The following TRAF3IP1 variants were observed in gnomAD, a reference collection of about 807,000 sequenced individuals.
TRAF3IP1 encodes the protein TRAF3-interacting protein 1.
A neutral mutation model predicts 89.9 loss-of-function variants in TRAF3IP1; 53 were observed. The ratio of observed to expected loss-of-function variants is 0.59; its 90% CI spans 0.47 to 0.74. TRAF3IP1 has a LOEUF of 0.74. TRAF3IP1 is among the 30% of genes least tolerant of loss of function. The pLI, the probability that TRAF3IP1 is intolerant of heterozygous loss-of-function variation, is 0.00. For synonymous variants in TRAF3IP1, 311 were observed against 322.1 expected, an observed-to-expected ratio of 0.97 and a Z score of 0.37; for missense variants, 806 against 866.1, an observed-to-expected ratio of 0.93 and a Z score of 0.87.
Position 238,351,996 on chromosome 2 carries a change from A to C in TRAF3IP1, c.1452-831A>C, listed in dbSNP as rs1264783033. 6.6e-6 allele frequency among the ~76,000 whole-genome samples: 1 copy of C among 152,048 alleles called. No homozygotes were observed. Among genetic ancestry groups the C allele is most frequent in the Non-Finnish European group, 1.5e-5 (1 of 67,982 alleles). ...GAGTTAGGTGATTGCTTAAAGCACA[A>C]GTGTGTAGGGAAGAAACAAAGGCAG... On this transcript the variant is annotated intron_variant, in intron 12 of 16. Transcript: ENST00000373327. The surrounding 1 kb of genome is among the most constrained non-coding windows in gnomAD (Gnocchi z 5.2).
chr2:238,360,303 G>GT (rs1182665521), intron 15 of TRAF3IP1, among the ~76,000 whole-genome samples: 1 of 152,198 alleles, frequency 6.6e-6, no homozygotes, highest in Non-Finnish European at 1.5e-5. Flanking sequence ...GAGGCATACG[G>GT]TAAGTGTGTG....
intron 6 of TRAF3IP1, among the ~76,000 whole-genome samples, chr2:238,333,650 C>A (rs749946652): frequency 2.0e-5 from 3 of 152,216 alleles, no homozygotes; most frequent in African/African-American, 7.2e-5. Flanking sequence ...TATATAGCAA[C>A]AGAAGTGGAG....
At chr2:238,370,293 ATG>A (rs370142008) in intron 15 of TRAF3IP1, among the ~76,000 whole-genome samples, 2 of 151,628 alleles carry the variant, frequency 1.3e-5, no homozygotes, top group South Asian at 2.1e-4. Flanking sequence ...CTGTGTGTGC[ATG>A]TGTGTATGTT....
At chr2:238,365,810 G>A (rs1293078475) in intron 15 of TRAF3IP1, among the ~76,000 whole-genome samples, 3 of 152,098 alleles carry the variant, frequency 2.0e-5, no homozygotes, top group Admixed American at 6.5e-5. Flanking sequence ...GTTTCTTAGA[G>A]GTTTTGTTTT....
chr2:238,325,022 C>T (rs1297089164), intron 1 of TRAF3IP1, among the ~76,000 whole-genome samples: 1 of 152,194 alleles, frequency 6.6e-6, no homozygotes, highest in Non-Finnish European at 1.5e-5. Context: ...ACTCCTGCTC[C>T]CTCCCGGATT....
chr2:238,354,390 A>G (rs181981824), intron 14 of TRAF3IP1, among the ~76,000 whole-genome samples: 2 of 152,304 alleles, frequency 1.3e-5, no homozygotes, highest in East Asian at 1.9e-4. Context: ...TTAAAATAAG[A>G]AAGTATATTC....
chr2:238,331,028 G>A (rs966707519), intron 5 of TRAF3IP1, among the ~76,000 whole-genome samples: 2 of 152,116 alleles, frequency 1.3e-5, no homozygotes, highest in African/African-American at 4.8e-5. Context: ...GTATTTTGCT[G>A]TGCATGAGGC....
At chr2:238,352,761 A>T in intron 12 of TRAF3IP1, 66 bp from the exon 13 acceptor site, 2 of 1,496,522 alleles carry the variant, frequency 1.3e-6, no homozygotes, top group Admixed American at 4.2e-5. Flanking sequence ...CCTCTGACAC[A>T]GTTTCAGATG....
intron 1 of TRAF3IP1, among the ~76,000 whole-genome samples, chr2:238,321,011 C>T (rs1306394892): frequency 6.7e-6 from 1 of 149,622 alleles, no homozygotes. Flanking sequence ...GTGGGCCGGG[C>T]ACAGGGTGCG....
chr2:238,335,723 G>A (rs1698352550), intron 7 of TRAF3IP1, among the ~76,000 whole-genome samples: 1 of 151,208 alleles, frequency 6.6e-6, no homozygotes, highest in East Asian at 1.9e-4. Context: ...ACTTGGTTGC[G>A]TATGTTGGTC....
chr2:238,329,192 G>A lies in TRAF3IP1; in HGVS notation c.765G>A (p.Gly255=). The A allele has an allele frequency of 6.4e-7, 1 of 1,569,068 alleles. No individual in the cohort carries two copies. ...RKKETERKSE[G]GKEKERLRDR... is the part of the protein sequence containing the mutation. ...AGGAGACAGAGAGAAAGAGTGAGGG[G>A]GGGAAAGAGAAGGAGAGACTGAGAG... Residue 255 remains glycine, a synonymous_variant, in exon 5 of 17, where the codon GGG becomes GGA. Coordinates refer to ENST00000373327, the MANE Select transcript of TRAF3IP1 (RefSeq NM_015650.4).
intron 15 of TRAF3IP1, among the ~76,000 whole-genome samples, chr2:238,363,731 G>T (rs773144821): frequency 6.6e-6 from 1 of 152,142 alleles, no homozygotes; most frequent in Non-Finnish European, 1.5e-5. Flanking sequence ...GGAGGCCAAG[G>T]TGGGCGGATC....
At chr2:238,352,621 G>T (rs1195133093) in intron 12 of TRAF3IP1, among the ~76,000 whole-genome samples, 1 of 152,086 alleles carries the variant, frequency 6.6e-6, no homozygotes, top group East Asian at 1.9e-4. Flanking sequence ...GGAGGGCGAG[G>T]CTCACAGGGA....
intron 8 of TRAF3IP1, 23 bp from the exon 9 acceptor site, chr2:238,344,474 A>G (rs761631937): frequency 1.3e-6 from 2 of 1,594,014 alleles, no homozygotes; most frequent in South Asian, 2.2e-5. Flanking sequence ...CTTAATGACT[A>G]ATTTTAAACT....
At chr2:238,360,083 T>G (rs1436130248) in intron 15 of TRAF3IP1, among the ~76,000 whole-genome samples, 1 of 152,212 alleles carries the variant, frequency 6.6e-6, no homozygotes, top group Non-Finnish European at 1.5e-5. Flanking sequence ...AGTGTGTATA[T>G]ATACTGGACA....
chr2:238,327,099 C>T (rs749329158), intron 3 of TRAF3IP1, among the ~76,000 whole-genome samples: 2 of 152,254 alleles, frequency 1.3e-5, no homozygotes, highest in Admixed American at 6.5e-5. Flanking sequence ...CCCTTCAGAT[C>T]CTTCTCTCGT....
intron 3 of TRAF3IP1, among the ~76,000 whole-genome samples, chr2:238,328,233 T>C (rs1233112162): frequency 6.6e-6 from 1 of 152,226 alleles, no homozygotes; most frequent in Non-Finnish European, 1.5e-5. Context: ...TTTCTCCTTA[T>C]CCTTGCCAAT....
intron 8 of TRAF3IP1, among the ~76,000 whole-genome samples, chr2:238,343,970 T>TC (rs971978040): frequency 1.3e-5 from 2 of 152,050 alleles, no homozygotes; most frequent in African/African-American, 4.8e-5. Flanking sequence ...GTTTTTTTTT[T>TC]CACAGCAAAA....
intron 1 of TRAF3IP1, among the ~76,000 whole-genome samples, chr2:238,324,859 C>T (rs1042402115): frequency 1.2e-4 from 18 of 152,290 alleles, no homozygotes; most frequent in African/African-American, 3.1e-4. Context: ...GCCTCAGCCT[C>T]CCAAAGTGCT....
Sources: gnomAD v4.1 joint callset for allele counts (sites outside exome capture counted in the v4.1 genomes callset) on GRCh38, gnomAD v4.1.1 for gene constraint, Gnocchi (gnomAD v3.1) non-coding constraint, MANE v1.5 for transcripts, NCBI Gene and HGNC (gene_info 2026-07-23, HGNC 2026-07-21) for gene names.